MORF4L1: variants seen among roughly 807,000 people sequenced by gnomAD.
MORF4L1 encodes mortality factor 4 like 1, also known as mortality factor 4-like protein 1.
In MORF4L1, 4 loss-of-function variants were observed where a neutral mutation model predicts 52.9. The observed-to-expected ratio is 0.08, with a 90% CI of 0.04 to 0.17. The LOEUF (loss-of-function observed/expected upper bound fraction) is 0.17, where lower values mean the gene tolerates loss of function less well. Ranked by LOEUF, MORF4L1 falls within the 10% of genes least tolerant of loss-of-function variation. The probability of loss-of-function intolerance (pLI) is 1.00; values close to 1 mark genes in which losing one functional copy is unlikely to be tolerated. For synonymous variants in MORF4L1, 123 were observed against 134.8 expected, an observed-to-expected ratio of 0.91 and a Z score of 0.61; for missense variants, 214 against 390.4, an observed-to-expected ratio of 0.55 and a Z score of 3.81.
At chr15:78,874,096 A>G (rs140747398) in intron 1 of MORF4L1, among the ~76,000 whole-genome samples, 112 of 152,328 alleles carry the variant, frequency 7.4e-4, no homozygotes, top group African/African-American at 1.6e-3. Flanking sequence ...AATTTTCACA[A>G]CGCTTCAGTT....
At chr15:78,876,620 C>T (rs947594653) in intron 1 of MORF4L1, 1 of 455,552 alleles carries the variant, frequency 2.2e-6, no homozygotes, top group Non-Finnish European at 4.4e-6. Context: ...TAAAATGTAC[C>T]AGGAGAGTGA....
At chr15:78,879,673 C>G (rs1323302282) in intron 2 of MORF4L1, among the ~76,000 whole-genome samples, 1 of 151,378 alleles carries the variant, frequency 6.6e-6, no homozygotes. Context: ...CTGTGACGTA[C>G]AAGCCTGTAA....
At chr15:78,873,108 G>C (rs1323511336) in intron 1 of MORF4L1, 51 bp downstream of exon 1, 2 of 1,547,608 alleles carry the variant, frequency 1.3e-6, no homozygotes, top group Non-Finnish European at 1.7e-6. Flanking sequence ...GGAGATAGAG[G>C]CGGGCTCGAG....
intron 5 of MORF4L1, chr15:78,890,493 T>G (rs1407571883): frequency 6.6e-6 from 1 of 152,234 alleles, no homozygotes; most frequent in African/African-American, 2.4e-5. Flanking sequence ...TTTTCTTTTT[T>G]TTTTGTCTTT....
In MORF4L1 at chr15:78,897,684, T is replaced by C. The variant is rs898131963; in HGVS notation, c.*617T>C. On this transcript the variant is annotated 3_prime_UTR_variant, in exon 12 of 12. Transcript: ENST00000426013. ...CTAGTTTTCTGGAAAAGTCAATCTT[T>C]TAGGAATTGTTTTTCAGATCTTCAA... is the stretch of plus-strand genomic sequence containing the variant. The C allele has an allele frequency of 3.9e-5, 6 of 152,680 alleles. No individual in the cohort carries two copies. The highest frequency in any genetic ancestry group is 1.3e-4 in the Admixed American group (2 of 15,284). 9.5% of individuals were successfully genotyped at this position (152,680 alleles called of 1,614,324 possible).
At position 78,880,474 on chromosome 15, in the gene MORF4L1, A is replaced by G. The variant is rs201668612; in HGVS notation, c.88-38A>G. Reference sequence around the variant, plus strand: ...TTTGAAAAGGTAGTGTCTTTAAAAAATTTCTAAGTGAATTATTATTTTTTT... The same window carrying G: ...TTTGAAAAGGTAGTGTCTTTAAAAAGTTTCTAAGTGAATTATTATTTTTTT... On this transcript the variant is annotated intron_variant, in intron 2 of 11. Transcript: ENST00000426013. 62 of 1,502,732 alleles carry G rather than the reference A, an allele frequency of 4.1e-5. No individual in the cohort carries two copies. In the East Asian group the frequency reaches 1.3e-3, roughly 31 times the overall value. The allele number at this position is 1,502,732 out of a possible 1,614,324, so 93.1% of individuals were successfully genotyped here.
chr15:78,893,726 A>G (rs528934853), intron 9 of MORF4L1, 99 bp downstream of exon 9: 19 of 797,328 alleles, frequency 2.4e-5, no homozygotes, highest in Non-Finnish European at 3.8e-5. Flanking sequence ...CATTAATACC[A>G]CCAGAAACTA....
chr15:78,894,972 A>C, intron 11 of MORF4L1, 68 bp downstream of exon 11: 3 of 1,251,962 alleles, frequency 2.4e-6, no homozygotes, highest in Non-Finnish European at 3.5e-6. Context: ...GATTGGCAGT[A>C]TAGATGCTAA....
intron 3 of MORF4L1, chr15:78,885,159 T>G (rs1475824233): frequency 4.2e-6 from 5 of 1,199,766 alleles, no homozygotes; most frequent in Non-Finnish European, 6.0e-6. Context: ...CTTGGCTGTA[T>G]TATATAAGAG....
At chr15:78,881,932 T>C (rs1596242859) in intron 3 of MORF4L1, among the ~76,000 whole-genome samples, 1 of 152,350 alleles carries the variant, frequency 6.6e-6, no homozygotes, top group South Asian at 2.1e-4. Context: ...TGAAGTTCAC[T>C]GGCCCTGTGA....
intron 6 of MORF4L1, 43 bp downstream of exon 6, chr15:78,891,057 A>G (rs1007290948): frequency 5.5e-6 from 8 of 1,462,882 alleles, no homozygotes; most frequent in African/African-American, 2.8e-5. Context: ...TGTTACCTCT[A>G]TGACATTGAC....
intron 3 of MORF4L1, among the ~76,000 whole-genome samples, chr15:78,881,649 C>T (rs1031856835): frequency 6.6e-6 from 1 of 152,140 alleles, no homozygotes; most frequent in Admixed American, 6.5e-5. Flanking sequence ...ACAAATAACC[C>T]TGTCTAAAAA....
At chr15:78,894,409 T>C (rs1054566862) in intron 10 of MORF4L1, 179 bp downstream of exon 10, 413 of 487,254 alleles carry the variant, frequency 8.5e-4, no homozygotes, top group Middle Eastern at 5.6e-4. Flanking sequence ...GTGTATTTTA[T>C]TTTATAATTT....
intron 3 of MORF4L1, among the ~76,000 whole-genome samples, chr15:78,882,570 C>G (rs962011601): frequency 3.3e-5 from 5 of 152,114 alleles, no homozygotes; most frequent in Non-Finnish European, 7.4e-5. Context: ...AACTGCATTT[C>G]AATCTTTATT....
At chr15:78,878,361 G>A (rs759711960) in intron 2 of MORF4L1, 102 bp downstream of exon 2, 74 of 1,013,444 alleles carry the variant, frequency 7.3e-5, no homozygotes, top group Non-Finnish European at 9.5e-5. Flanking sequence ...CAGTAAGAGA[G>A]TTGCCTTTTT....
chr15:78,886,122 T>A lies in MORF4L1; in HGVS notation c.156-19T>A, dbSNP rs8039160. ...AACAGAGTATTTTTGAGTTAAATTT[T>A]AACTTTCCTCTTTTTCAGTTGGGAT... On this transcript the variant is annotated intron_variant, in intron 3 of 11. Transcript: ENST00000426013. 5.3e-3 allele frequency: 8,402 copies of A among 1,599,582 alleles called. 426 individuals carry two copies. In the African/African-American group the frequency reaches 0.1, roughly 19 times the overall value.
intron 3 of MORF4L1, among the ~76,000 whole-genome samples, chr15:78,885,601 T>A (rs916856995): frequency 6.6e-6 from 1 of 152,234 alleles, no homozygotes; most frequent in South Asian, 2.1e-4. Context: ...TCCTAATATG[T>A]TTCTGACATA....
At chr15:78,894,576 T>G in intron 10 of MORF4L1, 1 of 457,700 alleles carries the variant, frequency 2.2e-6, no homozygotes, top group Non-Finnish European at 3.9e-6. Flanking sequence ...TCTGTGGTAA[T>G]TTTTGTATTT....
chr15:78,887,350 G>GT lies in MORF4L1; in HGVS notation c.323+2dup. 1 of 1,606,178 alleles carries GT rather than the reference G, an allele frequency of 6.2e-7. No individual in the cohort carries two copies. Among genetic ancestry groups the GT allele is most frequent in the South Asian group, 1.1e-5 (1 of 90,014 alleles). Reference sequence around the variant, plus strand: ...GTCTGCAACAGAAAAATGTTGAAGTGTAAGAAGCTCTTTGTTTTGATTTTG... The same window carrying GT: ...GTCTGCAACAGAAAAATGTTGAAGTGTTAAGAAGCTCTTTGTTTTGATTTTG... On this transcript the variant is annotated splice_donor_variant, in intron 5 of 11. Coordinates refer to ENST00000426013, the MANE Select transcript of MORF4L1 (RefSeq NM_006791.4). LOFTEE classifies it high-confidence loss of function.
Sources: allele counts gnomAD v4.1 joint callset (sites outside exome capture counted in the v4.1 genomes callset), GRCh38; gene constraint gnomAD v4.1.1; transcripts MANE v1.5; gene names NCBI Gene and HGNC (gene_info 2026-07-23, HGNC 2026-07-21).